Variants in GRID2 observed in about 807,000 individuals in gnomAD.
GRID2 encodes glutamate ionotropic receptor delta type subunit 2.
A neutral mutation model predicts 114.8 loss-of-function variants in GRID2; 33 were observed. That is an observed-to-expected ratio of 0.29 (90% CI 0.22 to 0.38). The LOEUF (loss-of-function observed/expected upper bound fraction) is 0.38, where lower values mean the gene tolerates loss of function less well. Among genes scored for constraint, GRID2 ranks in the 10% least tolerant of loss-of-function variants. GRID2 has a pLI of 1.00. For synonymous variants in GRID2, 505 were observed against 449.9 expected, an observed-to-expected ratio of 1.12 and a Z score of -1.55; for missense variants, 1,184 against 1,257.7, an observed-to-expected ratio of 0.94 and a Z score of 0.89.
Position 92,591,653 on chromosome 4 carries a change from C to T in GRID2, c.244+1367C>T, listed in dbSNP as rs190388734. On this transcript the variant is annotated intron_variant, in intron 2 of 15. Transcript: ENST00000282020. The stretch of plus-strand genomic sequence containing the variant: ...CATTTACTGTTTTATCTGCTTGATG[C>T]GCAGGTAACATTTATTGAAATATAT... Among the ~76,000 whole-genome samples, 26 of 152,000 alleles carry T rather than the reference C, an allele frequency of 1.7e-4. No homozygotes were observed. The East Asian group carries it at 4.6e-3, about 27-fold the overall frequency.
chr4:92,369,721 T>A (rs928247835), intron 1 of GRID2, among the ~76,000 whole-genome samples: 1 of 152,190 alleles, frequency 6.6e-6, no homozygotes, highest in Non-Finnish European at 1.5e-5. Flanking sequence ...AAGTTGTAGA[T>A]TCTTACATAG....
At chr4:92,766,401 G>T (rs1193822261) in intron 2 of GRID2, among the ~76,000 whole-genome samples, 1 of 152,054 alleles carries the variant, frequency 6.6e-6, no homozygotes, top group African/African-American at 2.4e-5. Context: ...GCCAGGCATG[G>T]TGGTGGGCGC....
At chr4:93,438,061 G>A (rs1409196649) in intron 10 of GRID2, among the ~76,000 whole-genome samples, 1 of 152,026 alleles carries the variant, frequency 6.6e-6, no homozygotes, top group East Asian at 1.9e-4. Context: ...TACTTTGTAT[G>A]CCAAGCACAC....
At chr4:92,471,435 A>T (rs1722028625) in intron 1 of GRID2, among the ~76,000 whole-genome samples, 1 of 152,062 alleles carries the variant, frequency 6.6e-6, no homozygotes, top group Admixed American at 6.6e-5. Context: ...TTACAATAGC[A>T]AAACTAGAAC....
At chr4:93,363,530 GT>G (rs949944110) in intron 8 of GRID2, among the ~76,000 whole-genome samples, 15 of 151,804 alleles carry the variant, frequency 9.9e-5, no homozygotes, top group Admixed American at 5.3e-4. Context: ...TGATATATGT[GT>G]TTTTTTTCTA....
intron 1 of GRID2, among the ~76,000 whole-genome samples, chr4:92,530,276 G>A (rs1318871819): frequency 2.0e-5 from 3 of 151,872 alleles, no homozygotes; most frequent in African/African-American, 7.3e-5. Flanking sequence ...ATTTCAAAAG[G>A]CAGGTATCAG....
chr4:93,615,639 C>G (rs60145465), intron 13 of GRID2, among the ~76,000 whole-genome samples: 9 of 117,454 alleles, frequency 7.7e-5, no homozygotes, highest in South Asian at 2.6e-4. Flanking sequence ...GCCTTCACCC[C>G]AAAAAAAAAA....
At chr4:93,779,336 A>G (rs888552991), downstream of GRID2, among the ~76,000 whole-genome samples, 15 of 152,096 alleles carry the variant, frequency 9.9e-5, no homozygotes, top group South Asian at 2.1e-4. Context: ...AGCACCTACT[A>G]TTAGCACGGT....
intron 12 of GRID2, among the ~76,000 whole-genome samples, chr4:93,495,223 T>C (rs1727408748): frequency 6.6e-6 from 1 of 151,784 alleles, no homozygotes; most frequent in Non-Finnish European, 1.5e-5. Flanking sequence ...CTAACTAATA[T>C]GGGATAGCAT....
rs866773628 is a variant in GRID2 at position 92,590,118 on chromosome 4, C to T, written c.89-13C>T. The T allele has an allele frequency of 6.3e-7, 1 of 1,588,018 alleles. No individual in the cohort carries two copies. The highest frequency in any genetic ancestry group is 8.6e-7 in the Non-Finnish European group (1 of 1,157,252). On this transcript the variant is annotated splice_polypyrimidine_tract_variant and intron_variant, in intron 1 of 15. Coordinates refer to ENST00000282020, the MANE Select transcript of GRID2 (RefSeq NM_001510.4). Reference sequence around the variant, plus strand: ...TATGTTATTATTTAATGGCAAAATTCACTTCTTTCTAGGAGCAATTTTTGA... The same window carrying T: ...TATGTTATTATTTAATGGCAAAATTTACTTCTTTCTAGGAGCAATTTTTGA...
rs1184003180 is a variant in GRID2 at position 93,638,301 on chromosome 4, C to CTTTTTTTTTTTTTTTTTTTT, written c.2360+11884_2360+11885insTTTTTTTTTTTTTTTTTTTT. On this transcript the variant is annotated intron_variant, in intron 14 of 15. Coordinates refer to ENST00000282020, the MANE Select transcript of GRID2 (RefSeq NM_001510.4). ...AAGAAAACATATTTAAAACTTGCAT[C>CTTTTTTTTTTTTTTTTTTTT]TTTTTTTTTTTTTTTTTTAATTATA... 4.4e-4 allele frequency among the ~76,000 whole-genome samples: 34 copies of CTTTTTTTTTTTTTTTTTTTT among 77,236 alleles called. 1 individual carries two copies. The highest frequency in any genetic ancestry group is 7.3e-4 in the Non-Finnish European group (27 of 36,912). The allele number at this position is 77,236 out of a possible 152,430, so 50.7% of individuals were successfully genotyped here. A position where few individuals can be genotyped will look rare whatever the true frequency, so the allele number is the denominator to read the frequency against.
At chr4:92,756,332 C>G (rs1204295189) in intron 2 of GRID2, among the ~76,000 whole-genome samples, 2 of 152,018 alleles carry the variant, frequency 1.3e-5, no homozygotes, top group Non-Finnish European at 2.9e-5. Flanking sequence ...TTTTCCTTAT[C>G]TTTTCATCTC....
At chr4:93,226,449 C>T (rs893581649) in intron 7 of GRID2, among the ~76,000 whole-genome samples, 3 of 152,136 alleles carry the variant, frequency 2.0e-5, no homozygotes, top group East Asian at 1.9e-4. Context: ...AAACCCAACA[C>T]GAAAAATAAT....
chr4:93,060,017 ATTTT>A, intron 2 of GRID2, among the ~76,000 whole-genome samples: 1 of 151,672 alleles, frequency 6.6e-6, no homozygotes, highest in East Asian at 1.9e-4. Flanking sequence ...TTTCTCAGAG[ATTTT>A]TTTTGTCTGC....
At chr4:93,016,062 AGT>A (rs34148364) in intron 2 of GRID2, among the ~76,000 whole-genome samples, 10,973 of 148,238 alleles carry the variant, frequency 0.074, 532 homozygotes, top group African/African-American at 0.13. Flanking sequence ...TGTGTGTGTG[AGT>A]GTGTGTGTGT....
intron 9 of GRID2, among the ~76,000 whole-genome samples, chr4:93,400,807 A>C (rs1032659567): frequency 6.6e-6 from 1 of 152,058 alleles, no homozygotes; most frequent in African/African-American, 2.4e-5. Flanking sequence ...CACACAAAAC[A>C]GTCAAAGATC....
rs1025427620 is a variant in GRID2 at position 92,520,982 on chromosome 4, A to T, written c.89-69149A>T. 4.6e-5 allele frequency among the ~76,000 whole-genome samples: 7 copies of T among 152,058 alleles called. No homozygotes were observed. In the East Asian group the frequency reaches 9.7e-4, roughly 21 times the overall value. On this transcript the variant is annotated intron_variant, in intron 1 of 15. Transcript: ENST00000282020. ...CCCTGAGCTGAGAAAAAAAGGAAAC[A>T]TAACAGTTATTGAGTTATGAGCCAT...
intron 1 of GRID2, among the ~76,000 whole-genome samples, chr4:92,586,570 T>C (rs1324518359): frequency 6.6e-6 from 1 of 152,020 alleles, no homozygotes; most frequent in East Asian, 1.9e-4. Context: ...CTTTGAATTG[T>C]ACAATAATTT....
intron 1 of GRID2, among the ~76,000 whole-genome samples, chr4:92,551,371 C>T (rs1234317804): frequency 6.6e-6 from 1 of 151,748 alleles, no homozygotes; most frequent in South Asian, 2.1e-4. Context: ...GTATTATGTG[C>T]AAATGTATAA....
Sources: allele counts gnomAD v4.1 joint callset (sites outside exome capture counted in the v4.1 genomes callset), GRCh38; gene constraint gnomAD v4.1.1; transcripts MANE v1.5; gene names NCBI Gene and HGNC (gene_info 2026-07-23, HGNC 2026-07-21).